F13A1: variants seen among roughly 807,000 people sequenced by gnomAD.
F13A1 encodes the protein coagulation factor XIII A chain.
F13A1 carries 47 observed loss-of-function variants against 80.1 expected under a neutral mutation model. The observed-to-expected ratio is 0.59, with a 90% CI of 0.46 to 0.75. The LOEUF (loss-of-function observed/expected upper bound fraction) is 0.75, where lower values mean the gene tolerates loss of function less well. Ranked by LOEUF, F13A1 falls within the 30% of genes least tolerant of loss-of-function variation. The pLI, the probability that F13A1 is intolerant of heterozygous loss-of-function variation, is 0.00. For missense variants in F13A1, 817 were observed against 930.4 expected, an observed-to-expected ratio of 0.88 and a Z score of 1.59; for synonymous variants, 349 against 344.9, an observed-to-expected ratio of 1.01 and a Z score of -0.13.
intron 12 of F13A1, among the ~76,000 whole-genome samples, chr6:6,173,676 G>GA (rs1389764885): frequency 1.3e-5 from 2 of 152,164 alleles, no homozygotes; most frequent in Non-Finnish European, 2.9e-5. Context: ...CCAAAGTGCT[G>GA]AGATTACAGG....
chr6:6,250,884 A>G lies in F13A1; in HGVS notation c.617T>C (p.Val206Ala), dbSNP rs759730315. 6.2e-7 allele frequency: 1 copy of G among 1,613,650 alleles called. No homozygotes were observed. The highest frequency in any genetic ancestry group is 1.6e-4 in the Middle Eastern group (1 of 6,062). ...AAAAATTACCCCGATGTCATTCAGG[A>G]CATACTCTTCTCTTTCTTTCTCATT... Reference protein sequence around the residue: ...LDNEKEREEYVLNDIGVIFYG... With the variant: ...LDNEKEREEYALNDIGVIFYG... Residue 206 changes from valine to alanine, a missense_variant, in exon 5 of 15, where the codon GTC becomes GCC. Coordinates refer to ENST00000264870, the MANE Select transcript of F13A1 (RefSeq NM_000129.4). The surrounding 1 kb of genome is among the most constrained non-coding windows in gnomAD (Gnocchi z 4.2).
chr6:6,298,649 T>C (rs202095381), intron 3 of F13A1, among the ~76,000 whole-genome samples: 7,473 of 143,982 alleles, frequency 0.052, 1,272 homozygotes, highest in African/African-American at 0.2. Flanking sequence ...TGTCTCTGCA[T>C]GTGAGATGGG....
chr6:6,312,000 TG>T (rs1480206026), intron 2 of F13A1, among the ~76,000 whole-genome samples: 5 of 147,956 alleles, frequency 3.4e-5, no homozygotes, highest in African/African-American at 1.2e-4. Context: ...ATATGATATG[TG>T]TATATATATT....
chr6:6,166,063 G>A (rs771402682), intron 13 of F13A1, among the ~76,000 whole-genome samples: 56 of 152,390 alleles, frequency 3.7e-4, no homozygotes, highest in Middle Eastern at 3.4e-3. Flanking sequence ...CCATAAGAAC[G>A]TTCAGTTGAA....
intron 2 of F13A1, among the ~76,000 whole-genome samples, 156 bp downstream of exon 2, chr6:6,318,378 GC>G (rs1176878505): frequency 6.6e-6 from 1 of 152,172 alleles, no homozygotes; most frequent in Non-Finnish European, 1.5e-5. Context: ...TTAAAAGAAA[GC>G]TTTTGCTTTC....
intron 9 of F13A1, among the ~76,000 whole-genome samples, chr6:6,196,325 T>C (rs1761289831): frequency 6.6e-6 from 1 of 152,238 alleles, no homozygotes; most frequent in African/African-American, 2.4e-5. Flanking sequence ...ATTTGGACAT[T>C]GCCTGTGCAT....
chr6:6,241,689 TG>T (rs751794969), intron 6 of F13A1, among the ~76,000 whole-genome samples: 16 of 152,212 alleles, frequency 1.1e-4, no homozygotes, highest in Non-Finnish European at 2.2e-4. Flanking sequence ...GATATTGCTT[TG>T]TAATTAAAAT....
At chr6:6,228,163 C>T (rs1018086465) in intron 6 of F13A1, among the ~76,000 whole-genome samples, 1 of 152,100 alleles carries the variant, frequency 6.6e-6, no homozygotes. Flanking sequence ...CAATACAAGT[C>T]CAGGACTACG....
In F13A1 at chr6:6,256,274, T is replaced by C. The variant is rs182105899; in HGVS notation, c.572-5345A>G. ...GTGGGAGCTGGAAACTATACTTAAC[T>C]GAGGACTGAGGGGAGAAATAAGGTC... is the stretch of plus-strand genomic sequence containing the variant. On this transcript the variant is annotated intron_variant, in intron 4 of 14. Coordinates refer to ENST00000264870, the MANE Select transcript of F13A1 (RefSeq NM_000129.4). 2.3e-3 allele frequency among the ~76,000 whole-genome samples: 352 copies of C among 152,230 alleles called. 3 individuals carry two copies. The highest frequency in any genetic ancestry group is 1.9e-3 in the Non-Finnish European group (128 of 68,026).
intron 6 of F13A1, among the ~76,000 whole-genome samples, chr6:6,234,522 T>A (rs1039546025): frequency 2.0e-5 from 3 of 151,918 alleles, no homozygotes; most frequent in African/African-American, 7.2e-5. Context: ...AAGTTAAGCA[T>A]CTTTGGGATT....
chr6:6,289,817 T>C (rs912377636), intron 3 of F13A1, among the ~76,000 whole-genome samples: 2 of 150,224 alleles, frequency 1.3e-5, no homozygotes, highest in Admixed American at 1.3e-4. Flanking sequence ...ACTTTTCTAT[T>C]TTTTTTTTTC....
At chr6:6,224,960 A>G (rs1382146518) in intron 6 of F13A1, 100 bp from the exon 7 acceptor site, 2 of 1,243,556 alleles carry the variant, frequency 1.6e-6, no homozygotes, top group Admixed American at 1.8e-5. Flanking sequence ...TGCCTTCTAT[A>G]TGTTGTGCCC....
intron 3 of F13A1, among the ~76,000 whole-genome samples, chr6:6,282,007 A>C (rs1483442955): frequency 2.6e-5 from 4 of 151,884 alleles, no homozygotes; most frequent in Non-Finnish European, 5.9e-5. Context: ...AAAAAAAAAA[A>C]AAAAAAAAAT....
intron 14 of F13A1, among the ~76,000 whole-genome samples, chr6:6,149,169 A>G (rs1760331157): frequency 6.6e-6 from 1 of 152,170 alleles, no homozygotes; most frequent in African/African-American, 2.4e-5. Context: ...ACTATGATTA[A>G]CAGTAGGTAT....
intron 8 of F13A1, among the ~76,000 whole-genome samples, chr6:6,204,269 G>A (rs1450551932): frequency 6.6e-6 from 1 of 152,336 alleles, no homozygotes; most frequent in Non-Finnish European, 1.5e-5. Context: ...TAAAAGGGAA[G>A]AAAGAGATAT....
At chr6:6,202,001 A>G (rs920038690) in intron 8 of F13A1, among the ~76,000 whole-genome samples, 6 of 152,174 alleles carry the variant, frequency 3.9e-5, no homozygotes, top group African/African-American at 1.4e-4. Flanking sequence ...ATAGGGTACA[A>G]AGTGATGATT....
At chr6:6,147,952 C>A (rs1760314406) in intron 14 of F13A1, among the ~76,000 whole-genome samples, 1 of 152,090 alleles carries the variant, frequency 6.6e-6, no homozygotes, top group Admixed American at 6.5e-5. Flanking sequence ...GAGATACCGG[C>A]CATTTATCAT....
chr6:6,247,622 C>T (rs1757571645), intron 6 of F13A1, among the ~76,000 whole-genome samples: 1 of 152,186 alleles, frequency 6.6e-6, no homozygotes. Flanking sequence ...AAGATCTCTG[C>T]ATTCTCAAAG....
chr6:6,155,170 C>T (rs1760451525), intron 13 of F13A1, among the ~76,000 whole-genome samples: 1 of 152,190 alleles, frequency 6.6e-6, no homozygotes, highest in South Asian at 2.1e-4. Context: ...AGTAGACTGG[C>T]TCTACATGAA....
Sources: gnomAD v4.1 joint callset for allele counts (sites outside exome capture counted in the v4.1 genomes callset) on GRCh38, gnomAD v4.1.1 for gene constraint, Gnocchi (gnomAD v3.1) non-coding constraint, MANE v1.5 for transcripts, NCBI Gene and HGNC (gene_info 2026-07-23, HGNC 2026-07-21) for gene names.